The following SERAC1 variants were observed in gnomAD, a reference collection of about 807,000 sequenced individuals.
SERAC1 encodes protein SERAC1.
SERAC1 carries 36 observed loss-of-function variants against 85.7 expected under a neutral mutation model. The observed-to-expected ratio is 0.42, with a 90% CI of 0.32 to 0.55. The LOEUF (loss-of-function observed/expected upper bound fraction) is 0.55. Among genes scored for constraint, SERAC1 ranks in the 20% least tolerant of loss-of-function variants. The probability of loss-of-function intolerance (pLI) is 0.11; values close to 1 mark genes in which losing one functional copy is unlikely to be tolerated. For synonymous variants in SERAC1, 242 were observed against 265.3 expected (o/e 0.91, Z 0.85); for missense variants, 629 against 796.2 (o/e 0.79, Z 2.53).
chr6:158,160,185 C>A (rs1785455181), intron 1 of SERAC1, among the ~76,000 whole-genome samples: 1 of 151,886 alleles, frequency 6.6e-6, no homozygotes, highest in African/African-American at 2.4e-5. Flanking sequence ...TACTGATTTG[C>A]GCACTTGTCG....
Position 158,131,733 on chromosome 6 carries a change from C to T in SERAC1, c.739-1247G>A, listed in dbSNP as rs974296287. Reference sequence around the variant, plus strand: ...TGCACATGCCCTTTAATAATTGATCCTACAGAGATGCTCACACACAGGGAA... The same window carrying T: ...TGCACATGCCCTTTAATAATTGATCTTACAGAGATGCTCACACACAGGGAA... On this transcript the variant is annotated intron_variant, in intron 8 of 16. Coordinates refer to ENST00000647468, the MANE Select transcript of SERAC1 (RefSeq NM_032861.4). Among the ~76,000 whole-genome samples the T allele has an allele frequency of 9.4e-4, 143 of 152,106 alleles. 1 individual carries two copies. Among genetic ancestry groups the T allele is most frequent in the Middle Eastern group, 3.4e-3 (1 of 294 alleles).
At chr6:158,125,304 C>T (rs1784513797) in intron 10 of SERAC1, among the ~76,000 whole-genome samples, 1 of 152,160 alleles carries the variant, frequency 6.6e-6, no homozygotes, top group African/African-American at 2.4e-5. Context: ...CTATCATGTA[C>T]ATAAAATTTT....
At chr6:158,164,855 T>C (rs1362282012) in intron 1 of SERAC1, among the ~76,000 whole-genome samples, 1 of 152,200 alleles carries the variant, frequency 6.6e-6, no homozygotes, top group African/African-American at 2.4e-5. Flanking sequence ...AGTGGATGTG[T>C]CATGTGCAAT....
chr6:158,133,155 T>G (rs553794439), intron 8 of SERAC1, among the ~76,000 whole-genome samples: 5 of 151,782 alleles, frequency 3.3e-5, no homozygotes, highest in Non-Finnish European at 7.4e-5. Flanking sequence ...AAAAATTAGC[T>G]GGGCAAGGTG....
At chr6:158,141,188 C>T (rs1323174701) in intron 8 of SERAC1, among the ~76,000 whole-genome samples, 2 of 152,168 alleles carry the variant, frequency 1.3e-5, no homozygotes, top group Non-Finnish European at 2.9e-5. Context: ...GGAAGTCAGA[C>T]ACAAAAGGCC....
At chr6:158,147,694 CGGGA>C (rs1238432515) in intron 5 of SERAC1, among the ~76,000 whole-genome samples, 1 of 138,192 alleles carries the variant, frequency 7.2e-6, no homozygotes, top group African/African-American at 2.7e-5. Flanking sequence ...GGCGTGAACC[CGGGA>C]GGCAGAGCTT....
At chr6:158,112,197 A>G in intron 16 of SERAC1, 1 of 153,098 alleles carries the variant, frequency 6.5e-6, no homozygotes. Flanking sequence ...GGACTGCTTG[A>G]GGCCAGGAAT....
At position 158,120,675 on chromosome 6, in the gene SERAC1, C is replaced by T. The variant is rs114695724; in HGVS notation, c.1016-100G>A. On this transcript the variant is annotated intron_variant, in intron 10 of 16. Coordinates refer to ENST00000647468, the MANE Select transcript of SERAC1 (RefSeq NM_032861.4). The surrounding 1 kb of genome is among the most constrained non-coding windows in gnomAD (Gnocchi z 4.4). ...TGAATATGATGGGAGAAAGGCAAAC[C>T]TTGCGTGTCTGTCCTTGGCGGAGAA... The T allele has an allele frequency of 8.1e-4, 1,038 of 1,283,952 alleles. 7 individuals are homozygous for T. The African/African-American group carries it at 0.014, about 17-fold the overall frequency. The allele number at this position is 1,283,952 out of a possible 1,614,324, so 79.5% of individuals were successfully genotyped here.
chr6:158,141,990 T>A (rs1359033647), intron 8 of SERAC1, among the ~76,000 whole-genome samples: 2 of 151,170 alleles, frequency 1.3e-5, no homozygotes, highest in South Asian at 2.1e-4. Context: ...TTTTTTTTTT[T>A]ACTGACAAAA....
intron 1 of SERAC1, 190 bp from the exon 2 acceptor site, chr6:158,158,554 T>C: frequency 2.1e-6 from 1 of 479,396 alleles, no homozygotes; most frequent in East Asian, 3.4e-5. Flanking sequence ...ATTAGAATAA[T>C]ATTTTGTTAG....
intron 3 of SERAC1, chr6:158,151,165 G>T: frequency 6.6e-6 from 1 of 152,594 alleles, no homozygotes; most frequent in Non-Finnish European, 1.5e-5. Context: ...TGCGGAGGTG[G>T]AGACAGTGAT....
intron 14 of SERAC1, among the ~76,000 whole-genome samples, chr6:158,115,719 C>T (rs894486583): frequency 6.6e-6 from 1 of 152,166 alleles, no homozygotes; most frequent in Non-Finnish European, 1.5e-5. Flanking sequence ...GACACTTGAT[C>T]ACACCTGTAC....
chr6:158,140,427 A>C lies in SERAC1; in HGVS notation c.738+2629T>G, dbSNP rs116006253. Among the ~76,000 whole-genome samples, 345 of 152,298 alleles carry C rather than the reference A, an allele frequency of 2.3e-3. 1 individual carries two copies. The highest frequency in any genetic ancestry group is 7.8e-3 in the African/African-American group (324 of 41,562). On this transcript the variant is annotated intron_variant, in intron 8 of 16. Transcript: ENST00000647468. ...AGTTTCTGGATACCGGAACCCGTGG[A>C]GATGTCTGGAGGGTGATGCACCCGG... is the stretch of plus-strand genomic sequence containing the variant.
chr6:158,144,441 T>G (rs751451130), intron 6 of SERAC1, 21 bp from the exon 7 acceptor site: 44 of 1,547,986 alleles, frequency 2.8e-5, no homozygotes, highest in Non-Finnish European at 3.7e-5. Context: ...AGCATTTTCT[T>G]TTGTTAATAC....
In SERAC1 at chr6:158,132,710, C is replaced by G. The variant is rs567959181; in HGVS notation, c.739-2224G>C. 2.6e-5 allele frequency among the ~76,000 whole-genome samples: 4 copies of G among 152,302 alleles called. No individual in the cohort carries two copies. The South Asian group carries it at 8.3e-4, about 32-fold the overall frequency. On this transcript the variant is annotated intron_variant, in intron 8 of 16. Coordinates refer to ENST00000647468, the MANE Select transcript of SERAC1 (RefSeq NM_032861.4). The stretch of plus-strand genomic sequence containing the variant: ...CATTTCATTCTCACTTTTGGCGAAG[C>G]TTGTTACCTATGAATTGGCAGATTT...
chr6:158,150,955 C>T (rs1264109356), intron 3 of SERAC1: 1 of 171,072 alleles, frequency 5.8e-6, no homozygotes, highest in African/African-American at 2.4e-5. Context: ...GTACATAATA[C>T]TTGATAATAA....
chr6:158,151,820 CTAAGTG>C (rs2128422799), intron 3 of SERAC1, among the ~76,000 whole-genome samples: 1 of 151,726 alleles, frequency 6.6e-6, no homozygotes, highest in East Asian at 1.9e-4. Context: ...GTGTTTTAAG[CTAAGTG>C]TAATTACAAA....
chr6:158,133,618 C>CTCGTGA (rs1784730046), intron 8 of SERAC1, among the ~76,000 whole-genome samples: 1 of 151,994 alleles, frequency 6.6e-6, no homozygotes, highest in Non-Finnish European at 1.5e-5. Context: ...ATCTCCTGAC[C>CTCGTGA]TCGTGATCCG....
At chr6:158,155,847 T>C (rs1562459030) in intron 2 of SERAC1, among the ~76,000 whole-genome samples, 1 of 152,202 alleles carries the variant, frequency 6.6e-6, no homozygotes, top group East Asian at 1.9e-4. Context: ...CGTAGCCCCA[T>C]TTAAAATAGA....
Sources: allele counts gnomAD v4.1 joint callset (sites outside exome capture counted in the v4.1 genomes callset), GRCh38; gene constraint gnomAD v4.1.1; non-coding constraint Gnocchi (gnomAD v3.1); transcripts MANE v1.5; gene names NCBI Gene and HGNC (gene_info 2026-07-23, HGNC 2026-07-21).